The following CDH11 variants were observed in gnomAD, a reference collection of about 807,000 sequenced individuals.
The protein encoded by CDH11 is cadherin-11.
In CDH11, 11 loss-of-function variants were observed where a neutral mutation model predicts 67.8. The ratio of observed to expected loss-of-function variants is 0.16; its 90% CI spans 0.10 to 0.27. CDH11 has a LOEUF of 0.27. Ranked by LOEUF, CDH11 falls within the 10% of genes least tolerant of loss-of-function variation. The pLI is 1.00. For synonymous variants in CDH11, 419 were observed against 400.0 expected (o/e 1.05, Z -0.57); for missense variants, 847 against 1,031.2 (o/e 0.82, Z 2.45).
chr16:65,113,236 T>C (rs2075189604), intron 1 of CDH11, among the ~76,000 whole-genome samples: 1 of 149,418 alleles, frequency 6.7e-6, no homozygotes. Flanking sequence ...CAGTGAGCCA[T>C]GACCTTACCA....
chr16:64,983,145 A>AT lies in CDH11; in HGVS notation c.1000-845_1000-844insA, dbSNP rs1491139488. 15 of 20,152 alleles carry AT rather than the reference A, an allele frequency of 7.4e-4. No individual in the cohort carries two copies. In the East Asian group the frequency reaches 0.13, roughly 174 times the overall value. 1.2% of individuals were successfully genotyped at this position (20,152 alleles called of 1,614,324 possible). A position where few individuals can be genotyped will look rare whatever the true frequency, so the allele number is the denominator to read the frequency against. On this transcript the variant is annotated intron_variant, in intron 7 of 12. Transcript: ENST00000268603. ...CCTTTTTTAAAATGCTTCTTTTTTT[A>AT]AAAAAAAAAAGAATGCATATATATT...
chr16:64,994,172 T>G (rs2072707820), intron 4 of CDH11, among the ~76,000 whole-genome samples: 1 of 152,204 alleles, frequency 6.6e-6, no homozygotes, highest in African/African-American at 2.4e-5. Flanking sequence ...TCTCACTTTT[T>G]TCTAGTTACT....
At chr16:65,117,117 G>A (rs974116357) in intron 1 of CDH11, among the ~76,000 whole-genome samples, 11 of 152,124 alleles carry the variant, frequency 7.2e-5, no homozygotes, top group African/African-American at 2.4e-4. Context: ...GTAAGTGAAC[G>A]TCAGTTTACA....
chr16:64,996,872 C>A (rs141621447), intron 4 of CDH11, among the ~76,000 whole-genome samples: 323 of 152,286 alleles, frequency 2.1e-3, no homozygotes, highest in Non-Finnish European at 3.4e-3. Flanking sequence ...ATAATAAACA[C>A]AGGATTACTA....
intron 11 of CDH11, among the ~76,000 whole-genome samples, chr16:64,964,792 C>T (rs928684723): frequency 1.7e-4 from 26 of 152,208 alleles, no homozygotes; most frequent in African/African-American, 6.0e-4. Flanking sequence ...TCGTGATCCA[C>T]CCGCCTCGGC....
chr16:64,975,691 T>C (rs188908246), intron 8 of CDH11, among the ~76,000 whole-genome samples: 9 of 152,280 alleles, frequency 5.9e-5, no homozygotes, highest in African/African-American at 1.9e-4. Flanking sequence ...TGCTTGTGTG[T>C]TTTTATTTTC....
chr16:64,954,531 A>C (rs1326221380), intron 11 of CDH11, among the ~76,000 whole-genome samples: 1 of 152,192 alleles, frequency 6.6e-6, no homozygotes, highest in Non-Finnish European at 1.5e-5. Context: ...CAGAAGGCTC[A>C]GGGGATCCTT....
intron 1 of CDH11, among the ~76,000 whole-genome samples, chr16:65,056,623 T>C (rs1445422488): frequency 6.6e-6 from 1 of 152,174 alleles, no homozygotes; most frequent in Non-Finnish European, 1.5e-5. Context: ...ATGAACGCCA[T>C]CTCACCCTAC....
At chr16:65,092,714 T>C (rs1010229410) in intron 1 of CDH11, among the ~76,000 whole-genome samples, 1 of 150,518 alleles carries the variant, frequency 6.6e-6, no homozygotes, top group Non-Finnish European at 1.5e-5. Context: ...GTTCCTTGTC[T>C]CACCCATGAA....
chr16:65,078,139 T>C (rs2074547811), intron 1 of CDH11, among the ~76,000 whole-genome samples: 1 of 152,214 alleles, frequency 6.6e-6, no homozygotes, highest in African/African-American at 2.4e-5. Flanking sequence ...TTCTTTCATA[T>C]ATTTTGACAA....
intron 3 of CDH11, among the ~76,000 whole-genome samples, chr16:64,999,351 CT>C (rs1373676518): frequency 6.6e-6 from 1 of 152,072 alleles, no homozygotes; most frequent in Non-Finnish European, 1.5e-5. Flanking sequence ...GCAAGGAAAT[CT>C]ACACAGATAC....
rs115954122 is a variant in CDH11 at position 65,022,710 on chromosome 16, C to G, written c.-172-17669G>C. 6.3e-3 allele frequency among the ~76,000 whole-genome samples: 956 copies of G among 152,268 alleles called. 11 individuals are homozygous for G. Among genetic ancestry groups the G allele is most frequent in the African/African-American group, 0.021 (890 of 41,538 alleles). ...CATAATCCTAGAGGGAATGCCAATT[C>G]CAAACTCCTCTGAGTATCCCAGGTG... On this transcript the variant is annotated intron_variant, in intron 2 of 12. Transcript: ENST00000268603.
chr16:64,982,441 C>A lies in CDH11; in HGVS notation c.1000-140G>T, dbSNP rs1280091234. 2.2e-5 allele frequency: 15 copies of A among 671,230 alleles called. No individual in the cohort carries two copies. The Admixed American group carries it at 4.1e-4, about 18-fold the overall frequency. 41.6% of individuals were successfully genotyped at this position (671,230 alleles called of 1,614,324 possible). A position where few individuals can be genotyped will look rare whatever the true frequency, so the allele number is the denominator to read the frequency against. ...TCTACTCAATTTCCAATTACCTGAG[C>A]CATTTGGTCAGAAAATCACACAAAT... is the stretch of plus-strand genomic sequence containing the variant. On this transcript the variant is annotated intron_variant, in intron 7 of 12. Transcript: ENST00000268603.
At chr16:65,044,906 G>C (rs974957196) in intron 2 of CDH11, among the ~76,000 whole-genome samples, 1 of 152,096 alleles carries the variant, frequency 6.6e-6, no homozygotes, top group Non-Finnish European at 1.5e-5. Flanking sequence ...CTGCGGCTCA[G>C]TGGAGAAGGA....
intron 1 of CDH11, 60 bp from the exon 2 acceptor site, chr16:65,053,988 C>A: frequency 2.2e-6 from 1 of 447,104 alleles, no homozygotes; most frequent in Admixed American, 2.4e-5. Flanking sequence ...CCAAGTGATA[C>A]AGTATTAAAC....
chr16:64,970,738 T>C (rs1365049926), intron 11 of CDH11, among the ~76,000 whole-genome samples: 1 of 152,210 alleles, frequency 6.6e-6, no homozygotes, highest in Non-Finnish European at 1.5e-5. Context: ...ATGGATTGCA[T>C]GAATATAGCA....
chr16:65,074,550 C>T (rs927323505), intron 1 of CDH11, among the ~76,000 whole-genome samples: 36 of 152,036 alleles, frequency 2.4e-4, no homozygotes, highest in African/African-American at 7.2e-4. Flanking sequence ...ATGACTTTTT[C>T]CAAAGTCCCA....
chr16:64,971,229 T>A (rs563905460), intron 11 of CDH11, among the ~76,000 whole-genome samples: 1 of 152,172 alleles, frequency 6.6e-6, no homozygotes, highest in Admixed American at 6.5e-5. Context: ...CTTTTAATGC[T>A]TTACTTGATA....
At chr16:64,999,844 G>C (rs1228391060) in intron 3 of CDH11, among the ~76,000 whole-genome samples, 1 of 152,012 alleles carries the variant, frequency 6.6e-6, no homozygotes, top group Non-Finnish European at 1.5e-5. Context: ...CAATGTTTTT[G>C]TTTGTTTGTT....
Sources: gnomAD v4.1 joint callset for allele counts (sites outside exome capture counted in the v4.1 genomes callset) on GRCh38, gnomAD v4.1.1 for gene constraint, MANE v1.5 for transcripts, NCBI Gene and HGNC (gene_info 2026-07-23, HGNC 2026-07-21) for gene names.